Variants in KANSL1 observed in about 807,000 individuals in gnomAD.
KANSL1 encodes KAT8 regulatory NSL complex subunit 1, also known as MLL1/MLL complex subunit KANSL1.
A neutral mutation model predicts 103.6 loss-of-function variants in KANSL1; 22 were observed. That is an observed-to-expected ratio of 0.21 (90% CI 0.15 to 0.30). The LOEUF is 0.30. Among genes scored for constraint, KANSL1 ranks in the 10% least tolerant of loss-of-function variants. The pLI, the probability that KANSL1 is intolerant of heterozygous loss-of-function variation, is 1.00. For missense variants in KANSL1, 1,337 were observed against 1,399.8 expected (o/e 0.96, Z 0.72); for synonymous variants, 600 against 527.6 (o/e 1.14, Z -1.88).
chr17:46,083,516 C>T (rs150987345), intron 3 of KANSL1, among the ~76,000 whole-genome samples: 1,689 of 152,192 alleles, frequency 0.011, 29 homozygotes, highest in African/African-American at 0.039. Context: ...AGGTAGTCTA[C>T]CTTTTTATGG....
At chr17:46,057,669 G>A (rs1448972523) in intron 6 of KANSL1, among the ~76,000 whole-genome samples, 1 of 152,068 alleles carries the variant, frequency 6.6e-6, no homozygotes, top group East Asian at 1.9e-4. Context: ...AGAAAAACAA[G>A]GGACAGAAAA....
intron 9 of KANSL1, 157 bp from the exon 10 acceptor site, chr17:46,038,843 G>A (rs926153362): frequency 8.7e-6 from 10 of 1,155,560 alleles, no homozygotes; most frequent in African/African-American, 1.5e-5. Flanking sequence ...GGGAAGTAGG[G>A]GCAGGGCAGA....
chr17:46,046,528 C>CAAAAAAAAAAAA, intron 7 of KANSL1, among the ~76,000 whole-genome samples: 1 of 33,176 alleles, frequency 3.0e-5, no homozygotes, highest in Non-Finnish European at 4.5e-5. Flanking sequence ...GAGACTCTGT[C>CAAAAAAAAAAAA]AAAAAAAAAA....
intron 3 of KANSL1, among the ~76,000 whole-genome samples, chr17:46,085,578 C>T (rs552974679): frequency 4.6e-5 from 7 of 152,220 alleles, no homozygotes; most frequent in Non-Finnish European, 8.8e-5. Flanking sequence ...TAACCTCCCC[C>T]TCCCGGGCTC....
chr17:46,163,679 G>C (rs1349700319), intron 2 of KANSL1, among the ~76,000 whole-genome samples: 3 of 152,220 alleles, frequency 2.0e-5, no homozygotes, highest in Non-Finnish European at 4.4e-5. Context: ...TATTGCTGTA[G>C]TCAGCCAGGC....
Position 46,082,523 on chromosome 17 carries a change from T to C in KANSL1, c.1451A>G (p.Glu484Gly). Residue 484 changes from glutamate to glycine, a missense_variant, in exon 4 of 15, where the codon GAG (glutamate) becomes GGG (glycine). By Grantham distance (98) the Glu-to-Gly change is moderately conservative. Transcript: ENST00000432791. ...RANKGLIVLG[E>G]VPPPEHTTDL... is the part of the protein sequence containing the mutation. ...TGTTGTATGCTCTGGGGGAGGTACC[T>C]CCCCAAGAACTATCAACCCCTGCAG... 1 of 1,609,592 alleles carries C rather than the reference T, an allele frequency of 6.2e-7. No individual in the cohort carries two copies. Among genetic ancestry groups the C allele is most frequent in the African/African-American group, 1.3e-5 (1 of 74,916 alleles).
In KANSL1 at chr17:46,032,153, G is replaced by A. The variant is rs761819132; in HGVS notation, c.2984C>T (p.Pro995Leu). ...GGTGAGGGGTGCTGAGTGCAGTTCC[G>A]GGCTAATGGGGCTCCTAGGGGACTG... Reference protein sequence around the residue: ...HGQSPRSPISPELHSAPLTPV... With the variant: ...HGQSPRSPISLELHSAPLTPV... Residue 995 changes from proline to leucine, a missense_variant, in exon 14 of 15, where the codon CCG becomes CTG. Physicochemically the swap from Pro to Leu is moderately conservative, Grantham distance 98. Transcript: ENST00000432791. 28 of 1,613,852 alleles carry A rather than the reference G, an allele frequency of 1.7e-5. No individual in the cohort carries two copies. The highest frequency in any genetic ancestry group is 2.7e-5 in the African/African-American group (2 of 74,890).
chr17:46,200,327 C>A (rs1163815163), intron 1 of KANSL1, among the ~76,000 whole-genome samples: 1 of 152,152 alleles, frequency 6.6e-6, no homozygotes, highest in Non-Finnish European at 1.5e-5. Flanking sequence ...GGTAAATATG[C>A]AGAACTTCAA....
intron 13 of KANSL1, among the ~76,000 whole-genome samples, chr17:46,032,761 C>T (rs535998592): frequency 1.6e-4 from 25 of 152,220 alleles, no homozygotes; most frequent in African/African-American, 5.8e-4. Context: ...TAACTTGTAG[C>T]GAGGCCTTCC....
chr17:46,031,802 CA>C, intron 14 of KANSL1, 99 bp from the exon 15 acceptor site: 1 of 1,195,456 alleles, frequency 8.4e-7, no homozygotes. Flanking sequence ...AGCCTAGGAC[CA>C]GTCTATCTAG....
At chr17:46,100,056 T>C (rs537934741) in intron 2 of KANSL1, among the ~76,000 whole-genome samples, 11 of 152,366 alleles carry the variant, frequency 7.2e-5, no homozygotes, top group African/African-American at 2.6e-4. Context: ...TATGAACTTG[T>C]ACTTTAATCG....
rs1448518495 is a variant in KANSL1 at position 46,046,130 on chromosome 17, A to G, written c.2020+4403T>C. The G allele has an allele frequency of 2.0e-5, 3 of 152,238 alleles. No homozygotes were observed. The East Asian group carries it at 5.8e-4, about 29-fold the overall frequency. The allele number at this position is 152,238 out of a possible 1,614,324, so 9.4% of individuals were successfully genotyped here. On this transcript the variant is annotated intron_variant, in intron 7 of 14. Transcript: ENST00000432791. ...GTAAAAGGAAGGACAGGCATCAGAT[A>G]ATCTGGGTCTGAACTGTGAAGGCAT...
At chr17:46,196,193 A>T (rs1468111245), upstream of KANSL1, 1 of 397,596 alleles carries the variant, frequency 2.5e-6, no homozygotes, top group Non-Finnish European at 5.0e-6. Context: ...AGTCATGATC[A>T]TGCCATTGTA....
At chr17:46,197,386 T>TA (rs1293300525), upstream of KANSL1, among the ~76,000 whole-genome samples, 1 of 152,244 alleles carries the variant, frequency 6.6e-6, no homozygotes, top group Admixed American at 6.5e-5. Flanking sequence ...CTCATGCCTG[T>TA]AATCCCAGCA....
intron 1 of KANSL1, among the ~76,000 whole-genome samples, chr17:46,201,695 G>C (rs1344824041): frequency 6.6e-6 from 1 of 150,784 alleles, no homozygotes; most frequent in African/African-American, 2.4e-5. Flanking sequence ...AACATAGTGA[G>C]ACCCTATCTC....
At position 46,104,609 on chromosome 17, in the gene KANSL1, A is replaced by G. The variant is rs2042452891; in HGVS notation, c.1290-9908T>C. 3.3e-5 allele frequency among the ~76,000 whole-genome samples: 5 copies of G among 152,226 alleles called. No individual in the cohort carries two copies. In the South Asian group the frequency reaches 1.0e-3, roughly 31 times the overall value. ...AGTAAATTTGCAAAAAATATAAACAATATGAGAGAGTTTTAGCTGATGCCT... is the reference window on the plus strand; with the variant it reads ...AGTAAATTTGCAAAAAATATAAACAGTATGAGAGAGTTTTAGCTGATGCCT... On this transcript the variant is annotated intron_variant, in intron 2 of 14. Coordinates refer to ENST00000432791, the MANE Select transcript of KANSL1 (RefSeq NM_015443.4).
At chr17:46,221,565 A>G (rs2048533886) in intron 1 of KANSL1, 1 of 146,972 alleles carries the variant, frequency 6.8e-6, no homozygotes, top group Non-Finnish European at 1.5e-5. Flanking sequence ...CCTTAAATTG[A>G]GGAGTTTTGG....
rs35017603 is a variant in KANSL1, at chr17:46,130,187, C to CAAAAAAAAAAAAAAAAAAAA, written c.1290-35506_1290-35487dup. 4.4e-3 allele frequency among the ~76,000 whole-genome samples: 332 copies of CAAAAAAAAAAAAAAAAAAAA among 75,282 alleles called. 13 individuals carry two copies. Among genetic ancestry groups the CAAAAAAAAAAAAAAAAAAAA allele is most frequent in the Non-Finnish European group, 7.3e-3 (268 of 36,826 alleles). The allele number at this position is 75,282 out of a possible 152,430, so 49.4% of individuals were successfully genotyped here. On this transcript the variant is annotated intron_variant, in intron 2 of 14. Coordinates refer to ENST00000432791, the MANE Select transcript of KANSL1 (RefSeq NM_015443.4). ...GGGCAAAAGAATGAGATCCTGTCTCCAAAAAAAAAAAAAAAAAAAAAGGAA... is the reference window on the plus strand; with the variant it reads ...GGGCAAAAGAATGAGATCCTGTCTCCAAAAAAAAAAAAAAAAAAAAAAAAAAAAAAAAAAAAAAAAAGGAA...
chr17:46,164,802 C>T (rs534501255), intron 2 of KANSL1, among the ~76,000 whole-genome samples: 5 of 152,332 alleles, frequency 3.3e-5, no homozygotes, highest in Non-Finnish European at 5.9e-5. Context: ...CTAAAGGTCA[C>T]GTAGGGTCAG....
Sources: allele counts gnomAD v4.1 joint callset (sites outside exome capture counted in the v4.1 genomes callset), GRCh38; gene constraint gnomAD v4.1.1; transcripts MANE v1.5; gene names NCBI Gene and HGNC (gene_info 2026-07-23, HGNC 2026-07-21).